The following VPS54 variants were observed in gnomAD, a reference collection of about 807,000 sequenced individuals.
VPS54 encodes VPS54 subunit of GARP complex, also known as vacuolar protein sorting-associated protein 54.
A neutral mutation model predicts 121.5 loss-of-function variants in VPS54; 45 were observed. The observed-to-expected ratio is 0.37, with a 90% CI of 0.29 to 0.47. The LOEUF is 0.47. VPS54 is among the 20% of genes least tolerant of loss of function. VPS54 has a pLI of 0.99. For synonymous variants in VPS54, 371 were observed against 385.8 expected, an observed-to-expected ratio of 0.96 and a Z score of 0.45; for missense variants, 1,090 against 1,131.4, an observed-to-expected ratio of 0.96 and a Z score of 0.52.
chr2:63,994,076 G>A (rs1220029144), intron 1 of VPS54, among the ~76,000 whole-genome samples: 1 of 152,136 alleles, frequency 6.6e-6, no homozygotes, highest in Non-Finnish European at 1.5e-5. Flanking sequence ...CAGATGTGGT[G>A]AGATCTGTGC....
intron 4 of VPS54, among the ~76,000 whole-genome samples, chr2:63,971,896 A>T (rs1028773902): frequency 6.6e-6 from 1 of 152,172 alleles, no homozygotes; most frequent in Non-Finnish European, 1.5e-5. Flanking sequence ...ATGTGCCATC[A>T]TGTCTAGCTT....
At chr2:64,018,583 G>A (rs1352420206) in intron 1 of VPS54, among the ~76,000 whole-genome samples, 2 of 151,984 alleles carry the variant, frequency 1.3e-5, no homozygotes, top group African/African-American at 2.4e-5. Context: ...GGGCCTGGCT[G>A]GAAAAAGAAA....
intron 1 of VPS54, among the ~76,000 whole-genome samples, chr2:63,993,779 AC>A (rs1677443166): frequency 6.6e-6 from 1 of 152,196 alleles, no homozygotes; most frequent in African/African-American, 2.4e-5. Flanking sequence ...CCCTCGATTG[AC>A]CAAAGATCAG....
intron 3 of VPS54, 47 bp from the exon 4 acceptor site, chr2:63,972,291 T>C (rs749427135): frequency 1.4e-6 from 2 of 1,397,706 alleles, no homozygotes; most frequent in Non-Finnish European, 2.0e-6. Flanking sequence ...TAAACATGAG[T>C]ATTCAAAGCA....
chr2:63,947,972 G>C (rs995645287), intron 8 of VPS54, among the ~76,000 whole-genome samples: 7 of 152,038 alleles, frequency 4.6e-5, no homozygotes, highest in African/African-American at 1.7e-4. Context: ...GAGTAGCTGG[G>C]ACTAGAGGCA....
intron 22 of VPS54, among the ~76,000 whole-genome samples, chr2:63,895,110 CTGTA>C (rs1161824774): frequency 2.6e-5 from 4 of 151,048 alleles, no homozygotes; most frequent in East Asian, 1.9e-4. Context: ...TTATTATTCT[CTGTA>C]TGTGTCTATT....
At chr2:63,975,525 G>A (rs1329578665) in intron 3 of VPS54, 2 of 154,606 alleles carry the variant, frequency 1.3e-5, no homozygotes, top group Non-Finnish European at 2.9e-5. Flanking sequence ...TGCAGACCCT[G>A]TACTCGACGG....
intron 11 of VPS54, among the ~76,000 whole-genome samples, chr2:63,938,088 A>G (rs1272454386): frequency 1.6e-5 from 1 of 62,810 alleles, no homozygotes; most frequent in Non-Finnish European, 3.9e-5. Flanking sequence ...GTGTGTGTCT[A>G]GACAGGATCT....
At chr2:63,977,647 T>C (rs1676604969) in intron 3 of VPS54, among the ~76,000 whole-genome samples, 1 of 152,242 alleles carries the variant, frequency 6.6e-6, no homozygotes, top group Non-Finnish European at 1.5e-5. Flanking sequence ...ATATTAAACA[T>C]AGTTACTTTG....
At chr2:63,915,334 C>A (rs143686886) in intron 16 of VPS54, among the ~76,000 whole-genome samples, 3 of 151,990 alleles carry the variant, frequency 2.0e-5, no homozygotes, top group Non-Finnish European at 4.4e-5. Context: ...ATAAGATCTA[C>A]GTAAAATAAG....
chr2:63,942,259 G>A (rs952790243), intron 11 of VPS54, among the ~76,000 whole-genome samples: 2 of 151,710 alleles, frequency 1.3e-5, no homozygotes, highest in African/African-American at 2.4e-5. Context: ...TTCTTTTTAA[G>A]TTATAAAATT....
intron 1 of VPS54, among the ~76,000 whole-genome samples, chr2:64,001,926 T>G (rs1677901189): frequency 6.6e-6 from 1 of 152,158 alleles, no homozygotes; most frequent in Non-Finnish European, 1.5e-5. Flanking sequence ...AGTTCAGCAC[T>G]AGGACTTGCA....
chr2:63,990,553 T>C (rs149164531), intron 1 of VPS54, among the ~76,000 whole-genome samples: 6 of 152,246 alleles, frequency 3.9e-5, no homozygotes, highest in Non-Finnish European at 8.8e-5. Flanking sequence ...ACACCAGTAA[T>C]CACCAGGATA....
chr2:63,911,319 T>C (rs1325915554), intron 20 of VPS54, among the ~76,000 whole-genome samples: 1 of 152,162 alleles, frequency 6.6e-6, no homozygotes, highest in Non-Finnish European at 1.5e-5. Flanking sequence ...GGTATGTTTG[T>C]ACATAAATAC....
chr2:63,984,889 A>C (rs1026828386), intron 1 of VPS54, among the ~76,000 whole-genome samples: 25 of 152,234 alleles, frequency 1.6e-4, no homozygotes, highest in Non-Finnish European at 1.5e-5. Flanking sequence ...TTTAGAGATC[A>C]CCTAGTCTAA....
chr2:63,955,630 T>C (rs1290488297), intron 7 of VPS54, among the ~76,000 whole-genome samples: 6 of 152,072 alleles, frequency 3.9e-5, no homozygotes, highest in Admixed American at 3.3e-4. Context: ...GGCTATATAA[T>C]TAATTTAATA....
intron 1 of VPS54, among the ~76,000 whole-genome samples, chr2:64,016,849 T>C (rs1244322378): frequency 1.3e-5 from 2 of 151,936 alleles, no homozygotes; most frequent in Non-Finnish European, 1.5e-5. Context: ...CCTCAGGTGA[T>C]CTACCTGACT....
intron 3 of VPS54, among the ~76,000 whole-genome samples, chr2:63,974,272 G>A (rs948308236): frequency 1.3e-5 from 2 of 151,986 alleles, no homozygotes; most frequent in African/African-American, 4.8e-5. Flanking sequence ...TATTTGTGTG[G>A]GTCTATTTCT....
chr2:63,937,829 G>T (rs527757213), intron 11 of VPS54, among the ~76,000 whole-genome samples: 5 of 152,238 alleles, frequency 3.3e-5, no homozygotes, highest in African/African-American at 1.2e-4. Context: ...CCTTAAAAAG[G>T]AAGGAAATTC....
Sources: gnomAD v4.1 joint callset for allele counts (sites outside exome capture counted in the v4.1 genomes callset) on GRCh38, gnomAD v4.1.1 for gene constraint, MANE v1.5 for transcripts, NCBI Gene and HGNC (gene_info 2026-07-23, HGNC 2026-07-21) for gene names.